CRAMP1: variants seen among roughly 807,000 people sequenced by gnomAD.
CRAMP1 encodes the protein cramped chromatin regulator 1.
A neutral mutation model predicts 115.4 loss-of-function variants in CRAMP1; 50 were observed. That is an observed-to-expected ratio of 0.43 (90% CI 0.35 to 0.55). The LOEUF is 0.55. Ranked by LOEUF, CRAMP1 falls within the 20% of genes least tolerant of loss-of-function variation. The probability of loss-of-function intolerance (pLI) is 0.01; values close to 1 mark genes in which losing one functional copy is unlikely to be tolerated. For missense variants in CRAMP1, 1,679 were observed against 1,721.7 expected, an observed-to-expected ratio of 0.98 and a Z score of 0.44; for synonymous variants, 866 against 745.4, an observed-to-expected ratio of 1.16 and a Z score of -2.64.
intron 5 of CRAMP1, 36 bp downstream of exon 5, chr16:1,637,943 T>C (rs1596487108): frequency 8.9e-7 from 1 of 1,127,082 alleles, no homozygotes; most frequent in Middle Eastern, 2.1e-4. Flanking sequence ...CCACGGCTCC[T>C]CCTGTCCTTT....
At position 1,673,884 on chromosome 16, in the gene CRAMP1, G is replaced by T. The variant is rs778740988; in HGVS notation, c.3649G>T (p.Val1217Leu). ...SRSLADVAEV[V>L]DSQLVCMMNE... ...TTCCTGTCTCCTCTTCCTGCAGGTT[G>T]TGGATTCCCAGCTGGTGTGCATGAT... is the stretch of plus-strand genomic sequence containing the variant. Residue 1217 changes from valine to leucine, a missense_variant, in exon 21 of 21, where the codon GTG (valine) becomes TTG (leucine). Physicochemically the swap from Val to Leu is conservative, Grantham distance 32. Coordinates refer to ENST00000397412, the MANE Select transcript of CRAMP1 (RefSeq NM_020825.4). 1.1e-5 allele frequency: 18 copies of T among 1,613,730 alleles called. No homozygotes were observed. The highest frequency in any genetic ancestry group is 1.4e-5 in the Non-Finnish European group (17 of 1,179,850).
intron 11 of CRAMP1, among the ~76,000 whole-genome samples, chr16:1,661,988 C>T (rs2036834728): frequency 6.6e-6 from 1 of 152,246 alleles, no homozygotes; most frequent in Admixed American, 6.5e-5. Context: ...CCAGATCCAG[C>T]TCACTGCCTG....
chr16:1,641,361 G>A (rs530106307), intron 6 of CRAMP1, among the ~76,000 whole-genome samples, 174 bp downstream of exon 6: 283 of 152,254 alleles, frequency 1.9e-3, no homozygotes, highest in African/African-American at 6.5e-3. Context: ...CAGTGACTGC[G>A]CCCAGAGCCT....
intron 6 of CRAMP1, among the ~76,000 whole-genome samples, chr16:1,643,938 A>T (rs2036653551): frequency 6.6e-6 from 1 of 152,266 alleles, no homozygotes; most frequent in Non-Finnish European, 1.5e-5. Context: ...TGTCAGCAGG[A>T]TGGCAAGATT....
chr16:1,666,633 C>T lies in CRAMP1; in HGVS notation c.3036+33C>T. 1 of 1,591,758 alleles carries T rather than the reference C, an allele frequency of 6.3e-7. No individual in the cohort carries two copies. Among genetic ancestry groups the T allele is most frequent in the Non-Finnish European group, 8.6e-7 (1 of 1,160,964 alleles). On this transcript the variant is annotated intron_variant, in intron 16 of 20. Transcript: ENST00000397412. This position sits in a 1 kb window ranked among gnomAD's most constrained non-coding sequence, Gnocchi z 5.0. ...TGTTTAGAAGGGCTTTTCAGCATTA[C>T]CACCAACTTCTGGTGTGGACGCCAA...
Position 1,646,961 on chromosome 16 carries a change from T to C in CRAMP1, c.828-5535T>C. ...TCAAACATCAGTTGACTGTACCGTG[T>C]GGTTCCATTCTGGACCTTCTGTTCT... is the stretch of plus-strand genomic sequence containing the variant. On this transcript the variant is annotated intron_variant, in intron 6 of 20. Transcript: ENST00000397412. 1.4e-5 allele frequency: 10 copies of C among 698,166 alleles called. 1 individual carries two copies. The South Asian group carries it at 1.5e-4, about 10-fold the overall frequency. 43.2% of individuals were successfully genotyped at this position (698,166 alleles called of 1,614,324 possible).
At chr16:1,627,763 C>T (rs1273984790) in intron 3 of CRAMP1, among the ~76,000 whole-genome samples, 1 of 152,180 alleles carries the variant, frequency 6.6e-6, no homozygotes, top group Non-Finnish European at 1.5e-5. Context: ...TTGGAGGGTT[C>T]TAGAGTACAG....
In CRAMP1 at chr16:1,672,920, C is replaced by T. The variant is rs565146705; in HGVS notation, c.3646-961C>T. Among the ~76,000 whole-genome samples the T allele has an allele frequency of 6.6e-6, 1 of 152,290 alleles. No individual in the cohort carries two copies. Among genetic ancestry groups the T allele is most frequent in the Non-Finnish European group, 1.5e-5 (1 of 68,054 alleles). Reference sequence around the variant, plus strand: ...CTTTTCAGTCAAAGCCTCTTCCTGTCTCAGGGAACATGCCTGTTGCTTCTT... The same window carrying T: ...CTTTTCAGTCAAAGCCTCTTCCTGTTTCAGGGAACATGCCTGTTGCTTCTT... On this transcript the variant is annotated intron_variant, in intron 20 of 20. Transcript: ENST00000397412. The surrounding 1 kb of genome is among the most constrained non-coding windows in gnomAD (Gnocchi z 4.9).
rs1000174332 is a variant in CRAMP1 at position 1,643,810 on chromosome 16, C to T, written c.827+2623C>T. ...GCATGGGTCCCCAGCTCCTCCAGGC[C>T]GCGTGTTGGGCATGTTGGCCAGAAG... is the stretch of plus-strand genomic sequence containing the variant. On this transcript the variant is annotated intron_variant, in intron 6 of 20. Transcript: ENST00000397412. 5.1e-4 allele frequency among the ~76,000 whole-genome samples: 78 copies of T among 152,156 alleles called. 2 individuals are homozygous for T. The highest frequency in any genetic ancestry group is 1.4e-3 in the African/African-American group (60 of 41,434).
At chr16:1,636,509 A>G (rs908839335) in intron 4 of CRAMP1, among the ~76,000 whole-genome samples, 1 of 152,168 alleles carries the variant, frequency 6.6e-6, no homozygotes, top group Non-Finnish European at 1.5e-5. Context: ...AATCCTCCTC[A>G]TATCTTGAAA....
At chr16:1,631,831 A>C (rs1409031916) in intron 3 of CRAMP1, among the ~76,000 whole-genome samples, 1 of 152,240 alleles carries the variant, frequency 6.6e-6, no homozygotes, top group Non-Finnish European at 1.5e-5. Context: ...TCTGTTCTTT[A>C]AGATGCCATA....
In CRAMP1 at chr16:1,669,643, G is replaced by A. The variant is rs894936912; in HGVS notation, c.3499+478G>A. Among the ~76,000 whole-genome samples, 7 of 152,200 alleles carry A rather than the reference G, an allele frequency of 4.6e-5. No individual in the cohort carries two copies. The highest frequency in any genetic ancestry group is 1.9e-4 in the East Asian group (1 of 5,190). ...ATATAGATCGGAGAGTTCAGAGGAC[G>A]TGTCCATCCTCCTCCCCCACTGCCC... On this transcript the variant is annotated intron_variant, in intron 19 of 20. Transcript: ENST00000397412. This position sits in a 1 kb window ranked among gnomAD's most constrained non-coding sequence, Gnocchi z 4.6.
At chr16:1,660,165 C>CAGTGGGGTCCGGCCTCA in intron 11 of CRAMP1, 102 bp downstream of exon 11, 1 of 1,038,640 alleles carries the variant, frequency 9.6e-7, no homozygotes, top group Non-Finnish European at 1.3e-6. Flanking sequence ...TGCCTGAGGC[C>CAGTGGGGTCCGGCCTCA]GGACCCCACT....
chr16:1,619,230 G>C (rs569251259), intron 2 of CRAMP1, among the ~76,000 whole-genome samples: 1 of 152,350 alleles, frequency 6.6e-6, no homozygotes, highest in Non-Finnish European at 1.5e-5. Context: ...GCCTGGGCTT[G>C]AGTGCAGTGC....
At chr16:1,640,675 C>T (rs1016865633) in intron 5 of CRAMP1, among the ~76,000 whole-genome samples, 2 of 152,186 alleles carry the variant, frequency 1.3e-5, no homozygotes. Flanking sequence ...ATTCTGTGGA[C>T]CCTGGGTGCC....
chr16:1,637,449 G>A (rs753794842), intron 4 of CRAMP1, among the ~76,000 whole-genome samples: 4 of 152,232 alleles, frequency 2.6e-5, no homozygotes, highest in Non-Finnish European at 4.4e-5. Context: ...CAGGAAGGCA[G>A]CATCCAGGTT....
rs757338395 is a variant in CRAMP1, at chr16:1,656,148, C to T, written c.1391C>T (p.Pro464Leu). ...ACGGCCCGGGGCCAGGTGAAATGCC[C>T]GCGGAGCGGAGCTGAGGGCAAGGGT... ...QGTARGQVKC[P>L]RSGAEGKGVG... Residue 464 changes from proline (P) to leucine (L), a missense_variant, in exon 10 of 21, where the codon CCG becomes CTG. By Grantham distance (98) the Pro-to-Leu change is moderately conservative. Coordinates refer to ENST00000397412, the MANE Select transcript of CRAMP1 (RefSeq NM_020825.4). The surrounding 1 kb of genome is among the most constrained non-coding windows in gnomAD (Gnocchi z 5.6). 126 of 1,607,528 alleles carry T rather than the reference C, an allele frequency of 7.8e-5. 1 individual carries two copies. The highest frequency in any genetic ancestry group is 3.9e-4 in the South Asian group (35 of 90,740).
chr16:1,619,400 C>T (rs535551333), intron 2 of CRAMP1, among the ~76,000 whole-genome samples: 2 of 152,194 alleles, frequency 1.3e-5, no homozygotes, highest in Admixed American at 6.5e-5. Flanking sequence ...AGGCTGGTCT[C>T]GAACTCCTGA....
chr16:1,631,204 C>A (rs1341447053), intron 3 of CRAMP1, among the ~76,000 whole-genome samples: 1 of 152,182 alleles, frequency 6.6e-6, no homozygotes, highest in Non-Finnish European at 1.5e-5. Context: ...CTCCCCCACA[C>A]GTGCAGTTAT....
Sources: allele counts gnomAD v4.1 joint callset (sites outside exome capture counted in the v4.1 genomes callset), GRCh38; gene constraint gnomAD v4.1.1; non-coding constraint Gnocchi (gnomAD v3.1); transcripts MANE v1.5; gene names NCBI Gene and HGNC (gene_info 2026-07-23, HGNC 2026-07-21).